The following HTR4 variants were observed in gnomAD, a reference collection of about 807,000 sequenced individuals.
The protein encoded by HTR4 is 5-hydroxytryptamine (serotonin) receptor 4, G protein-coupled.
In HTR4, 16 loss-of-function variants were observed where a neutral mutation model predicts 36.8. The observed-to-expected ratio is 0.43, with a 90% CI of 0.29 to 0.66. The LOEUF (loss-of-function observed/expected upper bound fraction) is 0.66. HTR4 is among the 30% of genes least tolerant of loss of function. The pLI is 0.13. For synonymous variants in HTR4, 189 were observed against 185.1 expected (o/e 1.02, Z -0.17); for missense variants, 438 against 490.9 (o/e 0.89, Z 1.02).
Position 148,555,017 on chromosome 5 carries a change from G to A in HTR4, c.27-4755C>T, listed in dbSNP as rs1192749368. Among the ~76,000 whole-genome samples, 10 of 151,240 alleles carry A rather than the reference G, an allele frequency of 6.6e-5. No individual in the cohort carries two copies. The South Asian group carries it at 1.7e-3, about 25-fold the overall frequency. ...GGGGCTTAATATCACTAAATTATATGCTTAAAATGCTTATTTTATATATTA... is the reference window on the plus strand; with the variant it reads ...GGGGCTTAATATCACTAAATTATATACTTAAAATGCTTATTTTATATATTA... On this transcript the variant is annotated intron_variant, in intron 2 of 6. Coordinates refer to ENST00000377888, the MANE Select transcript of HTR4 (RefSeq NM_000870.7).
At chr5:148,548,942 G>A in intron 3 of HTR4, 74 bp from the exon 4 acceptor site, 6 of 1,036,778 alleles carry the variant, frequency 5.8e-6, no homozygotes, top group Admixed American at 4.1e-5. Flanking sequence ...AAGAGATCAA[G>A]AGAAAAAACA....
chr5:148,494,597 A>T (rs1189990827), intron 6 of HTR4, among the ~76,000 whole-genome samples: 5 of 152,216 alleles, frequency 3.3e-5, no homozygotes, highest in African/African-American at 1.2e-4. Flanking sequence ...CATCCAATAG[A>T]ATTGGTTGAT....
chr5:148,525,720 A>G (rs1758237044), intron 4 of HTR4, among the ~76,000 whole-genome samples: 1 of 152,184 alleles, frequency 6.6e-6, no homozygotes, highest in South Asian at 2.1e-4. Context: ...TATATTTCCA[A>G]TAAATTCTCT....
intron 2 of HTR4, among the ~76,000 whole-genome samples, chr5:148,555,261 T>G (rs1440789711): frequency 6.6e-6 from 1 of 152,124 alleles, no homozygotes; most frequent in Non-Finnish European, 1.5e-5. Flanking sequence ...TCTTATACTG[T>G]CTTTACTCTT....
At chr5:148,527,493 A>C (rs1459348472) in intron 4 of HTR4, among the ~76,000 whole-genome samples, 1 of 152,168 alleles carries the variant, frequency 6.6e-6, no homozygotes, top group Non-Finnish European at 1.5e-5. Context: ...CTATGCTTTA[A>C]TTTGCCTTAC....
At chr5:148,597,238 T>C (rs1761813175) in intron 2 of HTR4, among the ~76,000 whole-genome samples, 1 of 152,344 alleles carries the variant, frequency 6.6e-6, no homozygotes, top group African/African-American at 2.4e-5. Context: ...TCTGACTACA[T>C]GAACCTCTTA....
At chr5:148,588,381 CA>C (rs1478410065) in intron 2 of HTR4, among the ~76,000 whole-genome samples, 1 of 152,030 alleles carries the variant, frequency 6.6e-6, no homozygotes, top group Non-Finnish European at 1.5e-5. Flanking sequence ...CTCAGGTGGC[CA>C]AAGGTTAAAT....
chr5:148,648,116 A>T (rs1485366384), intron 1 of HTR4, among the ~76,000 whole-genome samples: 2 of 152,232 alleles, frequency 1.3e-5, no homozygotes, highest in Non-Finnish European at 2.9e-5. Context: ...ACGAGTGTTC[A>T]CTATATAGTT....
At chr5:148,598,458 A>G (rs571157322) in intron 2 of HTR4, among the ~76,000 whole-genome samples, 12 of 152,228 alleles carry the variant, frequency 7.9e-5, no homozygotes, top group Non-Finnish European at 1.5e-4. Context: ...GTACTAAGGC[A>G]AGAGAAACAC....
At position 148,642,965 on chromosome 5, in the gene HTR4, TA is replaced by T. The variant is rs547281958; in HGVS notation, c.-47-5905del. ...CAGGTGAAAATGTGTACAAACGATT[TA>T]AAAAAAAAGAAGCCTTTTCACATGC... On this transcript the variant is annotated intron_variant, in intron 1 of 6. Transcript: ENST00000377888. Among the ~76,000 whole-genome samples the T allele has an allele frequency of 4.9e-3, 748 of 151,424 alleles. 3 individuals carry two copies. The highest frequency in any genetic ancestry group is 6.3e-3 in the Non-Finnish European group (426 of 67,748).
chr5:148,548,236 A>G (rs1759484962), intron 4 of HTR4, among the ~76,000 whole-genome samples: 1 of 152,232 alleles, frequency 6.6e-6, no homozygotes, highest in South Asian at 2.1e-4. Context: ...AAATTATTAC[A>G]GAAACATATT....
At chr5:148,459,436 T>G (rs1473740628) in intron 5 of HTR4, among the ~76,000 whole-genome samples, 1 of 152,090 alleles carries the variant, frequency 6.6e-6, no homozygotes, top group African/African-American at 2.4e-5. Flanking sequence ...AAGCCTAACC[T>G]ATGAGAATTT....
At chr5:148,611,519 T>C (rs1408142431) in intron 2 of HTR4, among the ~76,000 whole-genome samples, 10 of 132,244 alleles carry the variant, frequency 7.6e-5, no homozygotes, top group Admixed American at 1.5e-4. Context: ...AAAGAGCTCC[T>C]GAAGGAAGCG....
intron 2 of HTR4, among the ~76,000 whole-genome samples, chr5:148,612,085 T>A (rs1330274969): frequency 6.6e-6 from 1 of 152,092 alleles, no homozygotes; most frequent in Non-Finnish European, 1.5e-5. Flanking sequence ...AATGGGAGAA[T>A]TTAACACCCC....
At chr5:148,489,835 T>A (rs1299878127) in intron 6 of HTR4, among the ~76,000 whole-genome samples, 2 of 152,088 alleles carry the variant, frequency 1.3e-5, no homozygotes, top group African/African-American at 4.8e-5. Context: ...CCACTGCAAG[T>A]CCTACTGTAC....
chr5:148,622,834 C>G (rs1043501930), intron 2 of HTR4, among the ~76,000 whole-genome samples: 1 of 152,146 alleles, frequency 6.6e-6, no homozygotes. Context: ...GAATTGTTAT[C>G]TCACACTCCT....
intron 5 of HTR4, among the ~76,000 whole-genome samples, chr5:148,519,616 A>G (rs1757918434): frequency 6.6e-6 from 1 of 152,178 alleles, no homozygotes; most frequent in Admixed American, 6.6e-5. Flanking sequence ...AATCCCCCAA[A>G]TCAATACTTG....
intron 4 of HTR4, among the ~76,000 whole-genome samples, chr5:148,545,607 T>C (rs1256188975): frequency 1.3e-5 from 2 of 152,180 alleles, no homozygotes; most frequent in Non-Finnish European, 2.9e-5. Flanking sequence ...AGCTAAAATC[T>C]GAAAGACATG....
chr5:148,518,462 T>C (rs1757864282), intron 5 of HTR4, among the ~76,000 whole-genome samples: 1 of 152,164 alleles, frequency 6.6e-6, no homozygotes, highest in Admixed American at 6.6e-5. Context: ...ATCATCCTAG[T>C]CCAAGTTAGC....
Sources: allele counts gnomAD v4.1 joint callset (sites outside exome capture counted in the v4.1 genomes callset), GRCh38; gene constraint gnomAD v4.1.1; transcripts MANE v1.5; gene names NCBI Gene and HGNC (gene_info 2026-07-23, HGNC 2026-07-21).